FSAF1: variants seen among roughly 807,000 people sequenced by gnomAD.
FSAF1 encodes the protein 40S small subunit processome assembly factor 1, also known as uncharacterized protein C1orf131.
At chr1:231,236,172 C>T in the FSAF1 span, among the ~76,000 whole-genome samples, 152 of 152,310 alleles carry the variant, frequency 1.0e-3, no homozygotes, top group African/African-American at 3.5e-3. Context: ...CTGGTGTATT[C>T]CAATTAGCAC....
the FSAF1 span, chr1:231,226,788 T>C: frequency 1.2e-6 from 2 of 1,610,272 alleles, no homozygotes; most frequent in Non-Finnish European, 1.7e-6. Context: ...AATTTGCTCC[T>C]GTAAAACCTT....
the FSAF1 span, chr1:231,226,656 G>T: frequency 7.9e-7 from 1 of 1,265,092 alleles, no homozygotes; most frequent in Non-Finnish European, 1.2e-6. Flanking sequence ...TGCTCTCCAA[G>T]CAGCGGCTTC....
the FSAF1 span, among the ~76,000 whole-genome samples, chr1:231,239,646 T>C: frequency 0.022 from 3,396 of 152,340 alleles, 46 homozygotes; most frequent in South Asian, 0.047. Context: ...TGCCTTTGTT[T>C]TCTATTAATT....
the FSAF1 span, among the ~76,000 whole-genome samples, chr1:231,227,756 T>A: frequency 6.6e-6 from 1 of 151,822 alleles, no homozygotes; most frequent in South Asian, 2.1e-4. Context: ...GCCCAGCTAC[T>A]TTTTTGTATT....
At chr1:231,239,207 G>T in the FSAF1 span, 1 of 1,519,326 alleles carries the variant, frequency 6.6e-7, no homozygotes, top group South Asian at 1.3e-5. Context: ...TCAAACACAA[G>T]AAGGAAAATA....
At chr1:231,238,738 T>C in the FSAF1 span, 1 of 988,312 alleles carries the variant, frequency 1.0e-6, no homozygotes, top group Non-Finnish European at 1.5e-6. Flanking sequence ...TGAGTCCTTT[T>C]GGCAAATCTG....
the FSAF1 span, among the ~76,000 whole-genome samples, chr1:231,236,049 C>T: frequency 1.3e-5 from 2 of 152,160 alleles, no homozygotes; most frequent in East Asian, 1.9e-4. Context: ...ATTACCATTA[C>T]CCATCATATA....
the FSAF1 span, chr1:231,224,694 C>A: frequency 2.7e-6 from 1 of 375,036 alleles, no homozygotes. Flanking sequence ...GTCACCTCCT[C>A]AGACTAATTT....
the FSAF1 span, among the ~76,000 whole-genome samples, chr1:231,234,707 C>T: frequency 6.6e-6 from 1 of 152,226 alleles, no homozygotes; most frequent in African/African-American, 2.4e-5. The surrounding 1 kb of genome is among the most constrained non-coding windows in gnomAD (Gnocchi z 4.0). Flanking sequence ...AGGCTCACTA[C>T]TGCCTATGAG....
chr1:231,224,116 A>G, the FSAF1 span: 1 of 789,980 alleles, frequency 1.3e-6, no homozygotes, highest in Non-Finnish European at 1.9e-6. Flanking sequence ...TGAAGCAGAC[A>G]CTTCGGCAAC....
chr1:231,227,697 G>A, the FSAF1 span, among the ~76,000 whole-genome samples: 1 of 147,838 alleles, frequency 6.8e-6, no homozygotes, highest in South Asian at 2.1e-4. Context: ...CATGCCATTC[G>A]CCTGCCTCAG....
the FSAF1 span, chr1:231,226,754 T>C: frequency 8.5e-5 from 136 of 1,606,674 alleles, no homozygotes; most frequent in Non-Finnish European, 1.1e-4. Context: ...TCTTTTCTTC[T>C]TCCTTTGCTG....
chr1:231,232,781 A>C, the FSAF1 span, among the ~76,000 whole-genome samples: 1 of 152,218 alleles, frequency 6.6e-6, no homozygotes, highest in Non-Finnish European at 1.5e-5. Context: ...AGATTCAGCA[A>C]ACCCGTCTAT....
At chr1:231,238,535 G>T in the FSAF1 span, 1 of 207,642 alleles carries the variant, frequency 4.8e-6, no homozygotes, top group Non-Finnish European at 9.7e-6. Context: ...AGAATATTCT[G>T]CCTGATCAGA....
the FSAF1 span, among the ~76,000 whole-genome samples, chr1:231,228,552 T>A: frequency 6.9e-6 from 1 of 145,056 alleles, no homozygotes; most frequent in Admixed American, 7.1e-5. Flanking sequence ...TGAGCCAAGA[T>A]CCTGCCACTG....
At chr1:231,230,582 C>G in the FSAF1 span, among the ~76,000 whole-genome samples, 1 of 152,168 alleles carries the variant, frequency 6.6e-6, no homozygotes, top group Non-Finnish European at 1.5e-5. Flanking sequence ...GGTAGTCCAC[C>G]CTGCAACTAC....
the FSAF1 span, among the ~76,000 whole-genome samples, chr1:231,231,085 G>A: frequency 1.3e-5 from 2 of 152,142 alleles, no homozygotes; most frequent in Non-Finnish European, 2.9e-5. Context: ...CACAACAGAC[G>A]CACTTTCCAT....
At chr1:231,229,179 C>T in the FSAF1 span, 5 of 1,584,554 alleles carry the variant, frequency 3.2e-6, no homozygotes, top group South Asian at 1.2e-5. Context: ...TGTGTATCCA[C>T]ATCTCTCTCC....
At chr1:231,225,513 G>A in the FSAF1 span, 2 of 1,613,328 alleles carry the variant, frequency 1.2e-6, no homozygotes, top group East Asian at 4.5e-5. Context: ...GAAAATATCT[G>A]TTTCTTGGGC....
Sources: gnomAD v4.1 joint callset for allele counts (sites outside exome capture counted in the v4.1 genomes callset) on GRCh38, gnomAD v4.1.1 for gene constraint, Gnocchi (gnomAD v3.1) non-coding constraint, MANE v1.5 for transcripts, NCBI Gene and HGNC (gene_info 2026-07-23, HGNC 2026-07-21) for gene names.